The following NR4A1 variants were observed in gnomAD, a reference collection of about 807,000 sequenced individuals.
The protein encoded by NR4A1 is nuclear receptor subfamily 4immunitygroup A member 1.
A neutral mutation model predicts 47.5 loss-of-function variants in NR4A1; 24 were observed. That is an observed-to-expected ratio of 0.50 (90% CI 0.37 to 0.71). NR4A1 has a LOEUF of 0.71. Among genes scored for constraint, NR4A1 ranks in the 30% least tolerant of loss-of-function variants. The pLI, the probability that NR4A1 is intolerant of heterozygous loss-of-function variation, is 0.00. For synonymous variants in NR4A1, 353 were observed against 345.7 expected, an observed-to-expected ratio of 1.02 and a Z score of -0.24; for missense variants, 669 against 788.6, an observed-to-expected ratio of 0.85 and a Z score of 1.82.
intron 2 of NR4A1, among the ~76,000 whole-genome samples, chr12:52,044,226 C>T (rs909111338): frequency 2.8e-4 from 43 of 152,334 alleles, no homozygotes; most frequent in African/African-American, 8.9e-4. Context: ...GTCACTGCGG[C>T]GAGTTTGGTG....
In NR4A1 at chr12:52,051,585, G is replaced by T. The variant is rs942686652; in HGVS notation, c.-3+17G>T. ...GCCGGCCGGGTAGGTTCCCTTCGGGGAACGTGCATCTGTTTTTAGGAGCGG... is the reference window on the plus strand; with the variant it reads ...GCCGGCCGGGTAGGTTCCCTTCGGGTAACGTGCATCTGTTTTTAGGAGCGG... On this transcript the variant is annotated intron_variant, in intron 1 of 6. Coordinates refer to ENST00000394825, the MANE Select transcript of NR4A1 (RefSeq NM_173157.3). 7 of 985,672 alleles carry T rather than the reference G, an allele frequency of 7.1e-6. No individual in the cohort carries two copies. The highest frequency in any genetic ancestry group is 8.4e-6 in the Non-Finnish European group (7 of 830,176). 61.1% of individuals were successfully genotyped at this position (985,672 alleles called of 1,614,324 possible).
At chr12:52,051,161 G>T (rs1191503962), upstream of NR4A1, among the ~76,000 whole-genome samples, 2 of 152,220 alleles carry the variant, frequency 1.3e-5, no homozygotes, top group African/African-American at 4.8e-5. Context: ...TAGCGGGCGC[G>T]GCGGGCGCGA....
chr12:52,052,623 T>TCC (rs1163326153), intron 1 of NR4A1: 2 of 985,340 alleles, frequency 2.0e-6, no homozygotes, highest in African/African-American at 3.5e-5. Context: ...GTGGGACTGC[T>TCC]CCCCCCTCCT....
At chr12:52,028,484 G>T (rs1304032166) in intron 1 of NR4A1, among the ~76,000 whole-genome samples, 1 of 151,838 alleles carries the variant, frequency 6.6e-6, no homozygotes. Context: ...TGAGGCAGGA[G>T]ACTTGCTTGA....
chr12:52,045,594 A>T (rs560500793), intron 2 of NR4A1: 10 of 446,260 alleles, frequency 2.2e-5, no homozygotes, highest in Admixed American at 1.7e-4. Context: ...TGATGTCTGC[A>T]TTAGGCAGAT....
intron 1 of NR4A1, chr12:52,038,506 A>G: frequency 3.7e-6 from 2 of 540,236 alleles, no homozygotes; most frequent in Non-Finnish European, 6.7e-6. Context: ...CAGGCTGGGC[A>G]GAGGTTGGTA....
intron 1 of NR4A1, among the ~76,000 whole-genome samples, chr12:52,024,582 G>A (rs1937966629): frequency 6.6e-6 from 1 of 152,162 alleles, no homozygotes; most frequent in African/African-American, 2.4e-5. Context: ...CTACTGGAGA[G>A]GCTGAGATGG....
At chr12:52,042,492 C>G (rs1938477457) in intron 2 of NR4A1, among the ~76,000 whole-genome samples, 2 of 152,084 alleles carry the variant, frequency 1.3e-5, no homozygotes, top group African/African-American at 4.8e-5. Context: ...CAGGGACAGC[C>G]CTTCCACTAC....
intron 5 of NR4A1, 24 bp downstream of exon 5, chr12:52,057,283 C>CA: frequency 6.2e-7 from 1 of 1,613,430 alleles, no homozygotes; most frequent in Non-Finnish European, 8.5e-7. Flanking sequence ...ACTGTCTGCC[C>CA]AGCCCCTTTC....
intron 2 of NR4A1, among the ~76,000 whole-genome samples, chr12:52,042,459 G>A (rs1049224050): frequency 6.6e-6 from 1 of 152,162 alleles, no homozygotes; most frequent in South Asian, 2.1e-4. Context: ...TGGTGTCGGG[G>A]GTGGCCTCTG....
Position 52,056,524 on chromosome 12 carries a change from G to A in NR4A1, c.1037G>A (p.Arg346Gln), listed in dbSNP as rs750999884. ...VVRTDSLKGR[R>Q]GRLPSKPKQP... ...CGAACAGACAGCCTGAAGGGGCGGC[G>A]GGGCCGGCTACCTTCAAAACCCAAG... The change falls in exon 4 of 7, where the codon CGG (arginine) becomes CAG (glutamine). Residue 346 changes from arginine to glutamine, a missense_variant. By Grantham distance (43) the Arg-to-Gln change is conservative (BLOSUM62 1). Coordinates refer to ENST00000394825, the MANE Select transcript of NR4A1 (RefSeq NM_173157.3). 2 of 1,613,134 alleles carry A rather than the reference G, an allele frequency of 1.2e-6. No individual in the cohort carries two copies. The highest frequency in any genetic ancestry group is 1.7e-5 in the Admixed American group (1 of 59,822).
chr12:52,037,807 C>T (rs968753186), intron 1 of NR4A1: 29 of 985,468 alleles, frequency 2.9e-5, no homozygotes, highest in Non-Finnish European at 3.4e-5. Context: ...CGTGATGCAA[C>T]CCCTTCGAGG....
chr12:52,051,476 G>C lies in NR4A1; in HGVS notation c.-95G>C. On this transcript the variant is annotated 5_prime_UTR_variant, in exon 1 of 7. Coordinates refer to ENST00000394825, the MANE Select transcript of NR4A1 (RefSeq NM_173157.3). The stretch of plus-strand genomic sequence containing the variant: ...GGCGGAGGCTACGAAACTTGGGGGA[G>C]TGCACAGAAGAACTTCGGGAGCGCA... 2.0e-6 allele frequency: 2 copies of C among 985,646 alleles called. No individual in the cohort carries two copies. The highest frequency in any genetic ancestry group is 2.4e-6 in the Non-Finnish European group (2 of 830,082). The allele number at this position is 985,646 out of a possible 1,614,324, so 61.1% of individuals were successfully genotyped here.
chr12:52,037,845 G>T, intron 1 of NR4A1: 1 of 985,412 alleles, frequency 1.0e-6, no homozygotes, highest in Non-Finnish European at 1.2e-6. Context: ...AAGGCTGGGG[G>T]TCTCGTGGAG....
At chr12:52,029,303 A>C (rs1205473348) in intron 1 of NR4A1, among the ~76,000 whole-genome samples, 2 of 152,180 alleles carry the variant, frequency 1.3e-5, no homozygotes, top group African/African-American at 4.8e-5. Flanking sequence ...CTGTGCCCAG[A>C]CCCTGCCCAT....
chr12:52,055,861 G>C (rs115603496), intron 2 of NR4A1, 169 bp from the exon 3 acceptor site: 24,398 of 255,224 alleles, frequency 0.096, 1,249 homozygotes, highest in South Asian at 0.15. Flanking sequence ...CTCTCCCCCC[G>C]CCCAACCCCG....
chr12:52,048,700 T>C (rs1056105090), upstream of NR4A1, among the ~76,000 whole-genome samples: 2 of 152,168 alleles, frequency 1.3e-5, no homozygotes, highest in African/African-American at 4.8e-5. Flanking sequence ...GTGACACAGC[T>C]GGGATCAGTT....
chr12:52,045,574 C>G (rs1026598699), intron 2 of NR4A1: 4 of 450,072 alleles, frequency 8.9e-6, no homozygotes, highest in African/African-American at 2.0e-5. Context: ...TCTACCAGCA[C>G]TGGGCCTGGT....
At chr12:52,043,903 A>AG (rs1232487376) in intron 2 of NR4A1, 1 of 1,289,082 alleles carries the variant, frequency 7.8e-7, no homozygotes, top group Non-Finnish European at 1.0e-6. Flanking sequence ...GATCGTGAGG[A>AG]GGAAGCTGGT....
Sources: allele counts gnomAD v4.1 joint callset (sites outside exome capture counted in the v4.1 genomes callset), GRCh38; gene constraint gnomAD v4.1.1; transcripts MANE v1.5; gene names NCBI Gene and HGNC (gene_info 2026-07-23, HGNC 2026-07-21).